Variants in ABCC8 observed in about 807,000 individuals in gnomAD.
ABCC8 encodes ATP-binding cassette sub-family C member 8.
In ABCC8, 137 loss-of-function variants were observed where a neutral mutation model predicts 188.0. The ratio of observed to expected loss-of-function variants is 0.73; its 90% CI spans 0.63 to 0.84. ABCC8 has a LOEUF of 0.84. ABCC8 is among the 40% of genes least tolerant of loss of function. The pLI, the probability that ABCC8 is intolerant of heterozygous loss-of-function variation, is 0.00. For synonymous variants in ABCC8, 797 were observed against 846.5 expected (o/e 0.94, Z 1.01); for missense variants, 1,750 against 2,072.7 (o/e 0.84, Z 3.02).
At chr11:17,462,482 G>A (rs1251461941) in intron 4 of ABCC8, among the ~76,000 whole-genome samples, 1 of 152,216 alleles carries the variant, frequency 6.6e-6, no homozygotes, top group African/African-American at 2.4e-5. Context: ...TTTCTGGAAG[G>A]CAATATGTAA....
At position 17,430,972 on chromosome 11, in the gene ABCC8, G is replaced by T. The variant is rs369655742; in HGVS notation, c.1672-13C>A. 3.7e-6 allele frequency: 6 copies of T among 1,613,640 alleles called. No individual in the cohort carries two copies. The Admixed American group carries it at 1.0e-4, about 27-fold the overall frequency. On this transcript the variant is annotated splice_polypyrimidine_tract_variant and intron_variant, in intron 11 of 38. Coordinates refer to ENST00000389817, the MANE Select transcript of ABCC8 (RefSeq NM_000352.6). ...GGCCCACGAAAGTCTGTGGACAGAG[G>T]CACAAGTGAGGCCAGGGTGGCCCAG... is the stretch of plus-strand genomic sequence containing the variant.
rs1297669560 is a variant in ABCC8, at chr11:17,399,299, A to AC, written c.3651-859_3651-858insG. Among the ~76,000 whole-genome samples the AC allele has an allele frequency of 7.9e-3, 1,122 of 142,726 alleles. 72 individuals are homozygous for AC. Among genetic ancestry groups the AC allele is most frequent in the Admixed American group, 0.046 (638 of 13,966 alleles). The allele number at this position is 142,726 out of a possible 152,430, so 93.6% of individuals were successfully genotyped here. A position where few individuals can be genotyped will look rare whatever the true frequency, so the allele number is the denominator to read the frequency against. On this transcript the variant is annotated intron_variant, in intron 29 of 38. Transcript: ENST00000389817. ...TCAAAAAAAAAAAAAAAAAAAAAAA[A>AC]AAAAACAAATAAAAAAGAATATTAA...
chr11:17,402,996 T>C (rs374738706), intron 28 of ABCC8, among the ~76,000 whole-genome samples: 1 of 152,256 alleles, frequency 6.6e-6, no homozygotes, highest in East Asian at 1.9e-4. Context: ...ATTACTGCTG[T>C]CCTGGGCATT....
chr11:17,430,710 G>A, intron 12 of ABCC8, 104 bp downstream of exon 12: 1 of 1,324,942 alleles, frequency 7.5e-7, no homozygotes, highest in South Asian at 1.2e-5. Context: ...CAATGGGGGT[G>A]TGTTCCGGGA....
chr11:17,452,560 G>T (rs374341988), intron 7 of ABCC8, among the ~76,000 whole-genome samples: 1 of 152,164 alleles, frequency 6.6e-6, no homozygotes, highest in African/African-American at 2.4e-5. Flanking sequence ...TAATGTAGCC[G>T]CTGATCTGAC....
chr11:17,393,608 C>A, intron 38 of ABCC8, 89 bp downstream of exon 38: 1 of 1,589,148 alleles, frequency 6.3e-7, no homozygotes, highest in Non-Finnish European at 8.6e-7. Context: ...TGGGACCAGG[C>A]AAGCCCAGGG....
In ABCC8 at chr11:17,466,010, G is replaced by A. The variant is rs567130478; in HGVS notation, c.413-2406C>T. 3.3e-5 allele frequency among the ~76,000 whole-genome samples: 5 copies of A among 152,272 alleles called. No individual in the cohort carries two copies. The South Asian group carries it at 1.0e-3, about 32-fold the overall frequency. ...AAACAAAATGTGGCATATCCATACAGTAGAATATTAGCCTTAAAAAGGAAG... is the reference window on the plus strand; with the variant it reads ...AAACAAAATGTGGCATATCCATACAATAGAATATTAGCCTTAAAAAGGAAG... On this transcript the variant is annotated intron_variant, in intron 3 of 38. Transcript: ENST00000389817.
intron 1 of ABCC8, 149 bp from the exon 2 acceptor site, chr11:17,475,176 A>C: frequency 8.4e-7 from 1 of 1,192,196 alleles, no homozygotes; most frequent in South Asian, 1.4e-5. Flanking sequence ...ACACAAACTA[A>C]ACGTCCAACT....
intron 10 of ABCC8, among the ~76,000 whole-genome samples, chr11:17,440,471 C>T (rs943838745): frequency 6.6e-6 from 1 of 152,148 alleles, no homozygotes; most frequent in Non-Finnish European, 1.5e-5. Context: ...CAAATTTCCC[C>T]TGTCTATGGA....
intron 3 of ABCC8, among the ~76,000 whole-genome samples, chr11:17,464,895 G>C (rs568576705): frequency 3.3e-5 from 5 of 152,340 alleles, no homozygotes; most frequent in African/African-American, 9.6e-5. Context: ...GTGAGGGAGA[G>C]AGACTTTCAC....
At chr11:17,451,184 A>ATT (rs1327911234) in intron 7 of ABCC8, among the ~76,000 whole-genome samples, 5 of 152,220 alleles carry the variant, frequency 3.3e-5, no homozygotes, top group Non-Finnish European at 7.3e-5. Flanking sequence ...TTTAATTACA[A>ATT]AACTGCCCAA....
rs529931911 is a variant in ABCC8, at chr11:17,420,347, C to T, written c.2223-3385G>A. On this transcript the variant is annotated intron_variant, in intron 16 of 38. Transcript: ENST00000389817. ...TCTCAGAGAGGTGAAGTAACCTGCTCAAGGTCACAGAGCTAGCAAGTGGCA... is the reference window on the plus strand; with the variant it reads ...TCTCAGAGAGGTGAAGTAACCTGCTTAAGGTCACAGAGCTAGCAAGTGGCA... 3.3e-5 allele frequency among the ~76,000 whole-genome samples: 5 copies of T among 152,312 alleles called. 1 individual carries two copies. Among genetic ancestry groups the T allele is most frequent in the African/African-American group, 1.2e-4 (5 of 41,562 alleles).
intron 7 of ABCC8, among the ~76,000 whole-genome samples, chr11:17,450,596 A>T (rs1160696454): frequency 2.2e-5 from 3 of 137,168 alleles, no homozygotes; most frequent in Non-Finnish European, 4.6e-5. Flanking sequence ...ACGGGGTTTC[A>T]CCATGTTAGC....
At chr11:17,423,653 G>A (rs1420009568) in intron 16 of ABCC8, among the ~76,000 whole-genome samples, 1 of 152,170 alleles carries the variant, frequency 6.6e-6, no homozygotes, top group Non-Finnish European at 1.5e-5. Context: ...TGCGAGCCTC[G>A]AACAGAGCTG....
chr11:17,431,167 G>C, intron 11 of ABCC8: 1 of 771,588 alleles, frequency 1.3e-6, no homozygotes, highest in Non-Finnish European at 2.0e-6. Context: ...TGGAGAGCAG[G>C]GGCTGCTCCC....
At chr11:17,440,458 T>C (rs1397871881) in intron 10 of ABCC8, among the ~76,000 whole-genome samples, 1 of 152,176 alleles carries the variant, frequency 6.6e-6, no homozygotes, top group Non-Finnish European at 1.5e-5. Flanking sequence ...TAGATGTTCC[T>C]TCCAAATTTC....
rs763160961 is a variant in ABCC8 at position 17,407,068 on chromosome 11, C to T, written c.2982G>A (p.Glu994=). The part of the protein sequence containing the change: ...NLSSMLHQRA[E]IPWRACAKYL... Reference sequence around the variant, plus strand: ...ACTTGGCGCAGGCTCGCCATGGGATCTCAGCACGCTGGTGCAGCATGGACG... The same window carrying T: ...ACTTGGCGCAGGCTCGCCATGGGATTTCAGCACGCTGGTGCAGCATGGACG... Residue 994 remains glutamate, a synonymous_variant, in exon 25 of 39, where the codon GAG becomes GAA. Transcript: ENST00000389817. The T allele has an allele frequency of 1.9e-6, 3 of 1,613,950 alleles. No homozygotes were observed. Among genetic ancestry groups the T allele is most frequent in the Non-Finnish European group, 2.5e-6 (3 of 1,180,050 alleles).
chr11:17,426,528 G>C (rs543844179), intron 16 of ABCC8, among the ~76,000 whole-genome samples: 2 of 152,346 alleles, frequency 1.3e-5, no homozygotes, highest in African/African-American at 4.8e-5. Context: ...AATTAAGACA[G>C]TGATCTTTGC....
At chr11:17,443,480 A>T in intron 8 of ABCC8, 168 bp from the exon 9 acceptor site, 1 of 1,129,298 alleles carries the variant, frequency 8.9e-7, no homozygotes, top group African/African-American at 1.5e-5. Flanking sequence ...GAAACAAAGC[A>T]ATTTCAAAAG....
Sources: allele counts gnomAD v4.1 joint callset (sites outside exome capture counted in the v4.1 genomes callset), GRCh38; gene constraint gnomAD v4.1.1; transcripts MANE v1.5; gene names NCBI Gene and HGNC (gene_info 2026-07-23, HGNC 2026-07-21).